Variants in TRHDE observed in about 807,000 individuals in gnomAD.
The protein encoded by TRHDE is thyrotropin releasing hormone degrading enzyme.
TRHDE carries 72 observed loss-of-function variants against 125.7 expected under a neutral mutation model. The ratio of observed to expected loss-of-function variants is 0.57; its 90% confidence interval spans 0.47 to 0.70. The LOEUF is 0.70. Ranked by LOEUF, TRHDE falls within the 30% of genes least tolerant of loss-of-function variation. The pLI is 0.00. For missense variants in TRHDE, 1,110 were observed against 1,327.1 expected, an observed-to-expected ratio of 0.84 and a Z score of 2.54; for synonymous variants, 509 against 509.1, an observed-to-expected ratio of 1.00 and a Z score of 0.00.
intron 3 of TRHDE, among the ~76,000 whole-genome samples, chr12:72,383,725 T>A (rs2135783220): frequency 6.6e-6 from 1 of 151,694 alleles, no homozygotes; most frequent in Non-Finnish European, 1.5e-5. Context: ...CTGTTTTTTT[T>A]TTTTTTTTCA....
At chr12:72,163,655 T>C (rs1876681896) in intron 2 of TRHDE, among the ~76,000 whole-genome samples, 1 of 152,240 alleles carries the variant, frequency 6.6e-6, no homozygotes, top group South Asian at 2.1e-4. Context: ...AGAGTATTTA[T>C]GTTTGTTCTG....
intron 12 of TRHDE, among the ~76,000 whole-genome samples, chr12:72,597,207 T>A (rs1329666676): frequency 6.6e-6 from 1 of 152,232 alleles, no homozygotes; most frequent in East Asian, 1.9e-4. Flanking sequence ...CTCACTGATG[T>A]GAAAATACGA....
At chr12:72,535,800 G>C (rs1040289817) in intron 6 of TRHDE, among the ~76,000 whole-genome samples, 4 of 152,034 alleles carry the variant, frequency 2.6e-5, no homozygotes. Flanking sequence ...TTAGAACATT[G>C]TTTTATTTCC....
At position 72,515,367 on chromosome 12, in the gene TRHDE, T is replaced by A. The variant is rs1235815649; in HGVS notation, c.1722+15732T>A. Among the ~76,000 whole-genome samples, 302 of 147,374 alleles carry A rather than the reference T, an allele frequency of 2.0e-3. 1 individual carries two copies. The highest frequency in any genetic ancestry group is 7.1e-3 in the African/African-American group (279 of 39,032). ...AGATGGTATCTCATTGTGGTTTTGA[T>A]TTGCATTTCTCTGATGGCCAGTGAT... On this transcript the variant is annotated intron_variant, in intron 6 of 18. Transcript: ENST00000261180.
Position 72,659,379 on chromosome 12 carries a change from T to C in TRHDE, c.3066+2371T>C, listed in dbSNP as rs187265596. ...CTTGCCATTTTTCCACATTAATGAC[T>C]ATTAACCAGTCCTTTCACATGCCCA... is the stretch of plus-strand genomic sequence containing the variant. On this transcript the variant is annotated intron_variant, in intron 18 of 18. Transcript: ENST00000261180. 1.4e-3 allele frequency among the ~76,000 whole-genome samples: 219 copies of C among 152,312 alleles called. 2 individuals carry two copies. Among genetic ancestry groups the C allele is most frequent in the Middle Eastern group, 3.4e-3 (1 of 294 alleles).
chr12:72,255,491 T>TGGAG (rs1367818182), intron 2 of TRHDE: 1 of 152,254 alleles, frequency 6.6e-6, no homozygotes, highest in African/African-American at 2.4e-5. Context: ...CTCGAGCAGA[T>TGGAG]GGAGTCTTGA....
intron 12 of TRHDE, among the ~76,000 whole-genome samples, chr12:72,598,228 T>C (rs1872061441): frequency 6.6e-6 from 1 of 152,196 alleles, no homozygotes; most frequent in Non-Finnish European, 1.5e-5. Context: ...ATCAGTCACC[T>C]TTATTCATAT....
intron 6 of TRHDE, among the ~76,000 whole-genome samples, chr12:72,523,516 T>C (rs980956869): frequency 6.6e-6 from 1 of 152,214 alleles, no homozygotes; most frequent in Non-Finnish European, 1.5e-5. Flanking sequence ...TATTTTTACA[T>C]ACATATCTTG....
intron 12 of TRHDE, 113 bp from the exon 13 acceptor site, chr12:72,618,778 C>A: frequency 1.2e-6 from 1 of 828,200 alleles, no homozygotes; most frequent in Non-Finnish European, 1.8e-6. Context: ...TCTTATAACA[C>A]TGAATATGCT....
chr12:72,614,001 C>T (rs551930025), intron 12 of TRHDE, among the ~76,000 whole-genome samples: 2 of 152,102 alleles, frequency 1.3e-5, no homozygotes, highest in South Asian at 4.1e-4. Flanking sequence ...TAGGAGCAGA[C>T]ATATCACCCG....
chr12:72,329,270 G>T (rs1869474157), intron 2 of TRHDE, among the ~76,000 whole-genome samples: 1 of 152,214 alleles, frequency 6.6e-6, no homozygotes, highest in African/African-American at 2.4e-5. Context: ...ATAAACAGTA[G>T]TGGGTGAATA....
intron 6 of TRHDE, among the ~76,000 whole-genome samples, chr12:72,500,833 G>A (rs1418066996): frequency 7.1e-6 from 1 of 140,762 alleles, no homozygotes; most frequent in African/African-American, 2.6e-5. Flanking sequence ...GGTCCTGTTA[G>A]TCCTCCAACT....
intron 2 of TRHDE, among the ~76,000 whole-genome samples, chr12:72,193,714 T>C (rs1273193567): frequency 6.6e-6 from 1 of 152,102 alleles, no homozygotes; most frequent in Admixed American, 6.6e-5. Flanking sequence ...GTGTTGAAAC[T>C]TTAAAAGAGA....
rs574400483 is a variant in TRHDE, at chr12:72,131,132, C to A, written n.279+25380C>A. On this transcript the variant is annotated intron_variant and non_coding_transcript_variant, in intron 2 of 4. Transcript: ENST00000548156. ...TGTCACCCAGGCTGGAGTGCAGTGG[C>A]GCGATTTCGACTCACTGAAAGCTCC... is the stretch of plus-strand genomic sequence containing the variant. Among the ~76,000 whole-genome samples the A allele has an allele frequency of 4.3e-4, 58 of 135,756 alleles. No individual in the cohort carries two copies. The South Asian group carries it at 0.013, about 31-fold the overall frequency. The allele number at this position is 135,756 out of a possible 152,430, so 89.1% of individuals were successfully genotyped here. A position where few individuals can be genotyped will look rare whatever the true frequency, so the allele number is the denominator to read the frequency against.
chr12:72,439,267 T>C (rs1874887641), intron 3 of TRHDE, among the ~76,000 whole-genome samples: 1 of 152,046 alleles, frequency 6.6e-6, no homozygotes, highest in Non-Finnish European at 1.5e-5. Flanking sequence ...TGCTCAAGTT[T>C]GCTTTGGCTA....
intron 2 of TRHDE, among the ~76,000 whole-genome samples, chr12:72,235,905 G>A (rs1466163548): frequency 6.6e-6 from 1 of 152,210 alleles, no homozygotes; most frequent in Non-Finnish European, 1.5e-5. Flanking sequence ...GCACTGGAGT[G>A]AGGGAGTACA....
At chr12:72,444,127 T>TA (rs1014551597) in intron 3 of TRHDE, among the ~76,000 whole-genome samples, 1 of 151,874 alleles carries the variant, frequency 6.6e-6, no homozygotes, top group East Asian at 1.9e-4. Flanking sequence ...TAGGCAAAGC[T>TA]AAAAAAACAA....
At chr12:72,151,002 T>C (rs1416455589) in intron 2 of TRHDE, among the ~76,000 whole-genome samples, 19 of 152,210 alleles carry the variant, frequency 1.2e-4, no homozygotes, top group Non-Finnish European at 2.6e-4. Flanking sequence ...TGAACTAGTT[T>C]ACAGTCCCAC....
chr12:72,609,545 T>C (rs991117917), intron 12 of TRHDE, among the ~76,000 whole-genome samples: 2 of 152,172 alleles, frequency 1.3e-5, no homozygotes, highest in African/African-American at 4.8e-5. Context: ...TTTTACAGAT[T>C]ATTTTGTCAC....
Sources: allele counts gnomAD v4.1 joint callset (sites outside exome capture counted in the v4.1 genomes callset), GRCh38; gene constraint gnomAD v4.1.1; transcripts MANE v1.5; gene names NCBI Gene and HGNC (gene_info 2026-07-23, HGNC 2026-07-21).